The following SYT16 variants were observed in gnomAD, a reference collection of about 807,000 sequenced individuals.
SYT16 encodes synaptotagmin 16.
A neutral mutation model predicts 61.4 loss-of-function variants in SYT16; 42 were observed. The observed-to-expected ratio is 0.68, with a 90% confidence interval of 0.53 to 0.89. The LOEUF is 0.89. Among genes scored for constraint, SYT16 ranks in the 40% least tolerant of loss-of-function variants. The pLI is 0.00. For missense variants in SYT16, 804 were observed against 807.3 expected (o/e 1.00, Z 0.05); for synonymous variants, 314 against 302.3 (o/e 1.04, Z -0.40).
intron 3 of SYT16, among the ~76,000 whole-genome samples, chr14:62,044,662 T>C (rs193131932): frequency 3.0e-4 from 45 of 152,286 alleles, no homozygotes; most frequent in Admixed American, 3.3e-4. Flanking sequence ...TGATATTCCA[T>C]TGTGTATATG....
chr14:62,051,752 T>C (rs943346426), intron 3 of SYT16, among the ~76,000 whole-genome samples: 2 of 152,180 alleles, frequency 1.3e-5, no homozygotes, highest in African/African-American at 4.8e-5. Context: ...AAACATGCAG[T>C]TTTTGGCTGG....
intron 1 of SYT16, among the ~76,000 whole-genome samples, chr14:61,848,736 C>T (rs1284053581): frequency 6.6e-6 from 1 of 152,170 alleles, no homozygotes; most frequent in African/African-American, 2.4e-5. Flanking sequence ...AGAAATCTAC[C>T]TGGTACTTTA....
intron 1 of SYT16, among the ~76,000 whole-genome samples, chr14:61,836,765 C>G (rs1051074462): frequency 6.6e-6 from 1 of 152,206 alleles, no homozygotes; most frequent in African/African-American, 2.4e-5. Flanking sequence ...GCTTGTTAGC[C>G]ATTCAGTCAT....
intron 7 of SYT16, among the ~76,000 whole-genome samples, chr14:62,098,072 A>T (rs1303575905): frequency 6.6e-6 from 1 of 152,258 alleles, no homozygotes; most frequent in African/African-American, 2.4e-5. Context: ...TTCTCAGCAG[A>T]TAAGTGCATA....
intron 3 of SYT16, among the ~76,000 whole-genome samples, chr14:62,044,609 T>C (rs1375186732): frequency 2.0e-5 from 3 of 152,210 alleles, no homozygotes; most frequent in Non-Finnish European, 4.4e-5. Context: ...GCTTCATCCA[T>C]GTCCCTGCAA....
At chr14:62,048,178 T>C (rs575074150) in intron 3 of SYT16, among the ~76,000 whole-genome samples, 22 of 152,360 alleles carry the variant, frequency 1.4e-4, no homozygotes, top group African/African-American at 5.3e-4. Flanking sequence ...CATTCAGGGA[T>C]TCAACTTCTT....
Position 61,996,410 on chromosome 14 carries a change from C to T in SYT16, c.391C>T (p.Arg131Cys), listed in dbSNP as rs533386682. 1.8e-5 allele frequency: 29 copies of T among 1,613,488 alleles called. No individual in the cohort carries two copies. The highest frequency in any genetic ancestry group is 3.3e-4 in the Middle Eastern group (2 of 6,050). Reference sequence around the variant, plus strand: ...GTGGCCCAATTGGGCCAGTGATGACCGCAAGTTACCACATGTGCTTTCTTC... The same window carrying T: ...GTGGCCCAATTGGGCCAGTGATGACTGCAAGTTACCACATGTGCTTTCTTC... Reference protein sequence around the residue: ...SQWPNWASDDRKLPHVLSSIA... With the variant: ...SQWPNWASDDCKLPHVLSSIA... The change falls in exon 3 of 8, where the codon CGC becomes TGC. Residue 131 changes from arginine (R) to cysteine (C), a missense_variant. Physicochemically the swap from Arg to Cys is radical, Grantham distance 180. Coordinates refer to ENST00000683842, the MANE Select transcript of SYT16 (RefSeq NM_001367656.1).
intron 3 of SYT16, among the ~76,000 whole-genome samples, chr14:62,021,476 T>A (rs549433974): frequency 1.6e-3 from 205 of 125,338 alleles, no homozygotes; most frequent in Middle Eastern, 3.9e-3. Flanking sequence ...TATTATTATT[T>A]TTTTTTCGGT....
upstream of SYT16, chr14:61,812,316 A>T (rs1410999175): frequency 3.3e-5 from 5 of 152,300 alleles, no homozygotes; most frequent in African/African-American, 1.2e-4. Context: ...TGGGGTCCCA[A>T]CCCCGCTGGT....
chr14:62,046,170 T>G (rs1374797825), intron 3 of SYT16, among the ~76,000 whole-genome samples: 1 of 152,158 alleles, frequency 6.6e-6, no homozygotes, highest in Non-Finnish European at 1.5e-5. Context: ...GGTATCTCAT[T>G]GTGGTTTTGA....
At chr14:62,049,294 G>A (rs2055156121) in intron 3 of SYT16, among the ~76,000 whole-genome samples, 1 of 152,086 alleles carries the variant, frequency 6.6e-6, no homozygotes, top group African/African-American at 2.4e-5. Flanking sequence ...GACTAGGATT[G>A]CAAGCCCTGC....
chr14:61,823,909 T>C (rs2045694299), intron 1 of SYT16, among the ~76,000 whole-genome samples: 1 of 152,244 alleles, frequency 6.6e-6, no homozygotes, highest in African/African-American at 2.4e-5. Flanking sequence ...TCTCAAGAGT[T>C]TGGTTAATGG....
intron 1 of SYT16, among the ~76,000 whole-genome samples, chr14:61,819,360 G>A (rs2045545025): frequency 6.6e-6 from 1 of 152,138 alleles, no homozygotes; most frequent in South Asian, 2.1e-4. Flanking sequence ...CTAGTAGATT[G>A]GAGAGGTATC....
chr14:61,813,570 C>T (rs569936518), intron 1 of SYT16, among the ~76,000 whole-genome samples: 58 of 152,310 alleles, frequency 3.8e-4, no homozygotes, highest in African/African-American at 1.3e-3. Context: ...TCCAAAGTCC[C>T]TAGCACAGGT....
intron 2 of SYT16, among the ~76,000 whole-genome samples, chr14:61,988,145 C>G (rs1420374071): frequency 6.6e-6 from 1 of 152,172 alleles, no homozygotes; most frequent in Non-Finnish European, 1.5e-5. Context: ...CCCTGGAGCA[C>G]AGATGCCCTT....
chr14:61,973,085 A>C (rs2051631029), intron 2 of SYT16, among the ~76,000 whole-genome samples: 1 of 152,220 alleles, frequency 6.6e-6, no homozygotes, highest in Non-Finnish European at 1.5e-5. Context: ...TTTTAATTTA[A>C]TATATGTGAG....
intron 3 of SYT16, among the ~76,000 whole-genome samples, chr14:62,014,005 C>T (rs546210504): frequency 1.5e-4 from 23 of 152,124 alleles, no homozygotes; most frequent in African/African-American, 5.5e-4. Context: ...CCATGAAATG[C>T]ATTCCTTACC....
intron 5 of SYT16, chr14:62,079,397 C>T (rs1289913089): frequency 1.7e-6 from 2 of 1,206,846 alleles, no homozygotes; most frequent in East Asian, 5.7e-5. Flanking sequence ...TCTGTCAAGT[C>T]CTCTACTTTT....
chr14:62,036,344 G>C (rs75654801), intron 3 of SYT16, among the ~76,000 whole-genome samples: 2,920 of 152,184 alleles, frequency 0.019, 108 homozygotes, highest in African/African-American at 0.067. Context: ...AGATGGGCAG[G>C]GTGGGGATGT....
Sources: allele counts gnomAD v4.1 joint callset (sites outside exome capture counted in the v4.1 genomes callset), GRCh38; gene constraint gnomAD v4.1.1; transcripts MANE v1.5; gene names NCBI Gene and HGNC (gene_info 2026-07-23, HGNC 2026-07-21).